Variants in IL19 observed in about 807,000 individuals in gnomAD.
IL19 encodes the protein interleukin-19.
A neutral mutation model predicts 19.5 loss-of-function variants in IL19; 15 were observed. The observed-to-expected ratio is 0.77, with a 90% confidence interval of 0.52 to 1.19. The LOEUF (loss-of-function observed/expected upper bound fraction) is 1.19. Ranked by LOEUF, IL19 falls within the 50% of genes most tolerant of loss-of-function variation. The pLI is 0.00. For missense variants in IL19, 199 were observed against 213.1 expected, an observed-to-expected ratio of 0.93 and a Z score of 0.41; for synonymous variants, 78 against 78.3, an observed-to-expected ratio of 1.00 and a Z score of 0.02.
At chr1:206,808,136 G>C (rs1215610865) in intron 2 of IL19, among the ~76,000 whole-genome samples, 1 of 152,200 alleles carries the variant, frequency 6.6e-6, no homozygotes, top group Non-Finnish European at 1.5e-5. Context: ...TTCAAGACCA[G>C]CCTGGCCAAC....
At chr1:206,771,451 T>G (rs1226389333) in intron 1 of IL19, 2 of 1,549,408 alleles carry the variant, frequency 1.3e-6, no homozygotes, top group Non-Finnish European at 8.8e-7. Context: ...AACTTGAGGT[T>G]TGGGGAAATA....
intron 2 of IL19, 50 bp downstream of exon 2, chr1:206,799,056 A>C: frequency 2.5e-6 from 3 of 1,209,308 alleles, no homozygotes; most frequent in Non-Finnish European, 3.7e-6. Flanking sequence ...ATTCTCTGGG[A>C]CCAGAGATAT....
intron 2 of IL19, among the ~76,000 whole-genome samples, chr1:206,827,130 A>T (rs1191820868): frequency 4.6e-5 from 7 of 152,196 alleles, no homozygotes; most frequent in Non-Finnish European, 5.9e-5. Flanking sequence ...AAGCTGATGG[A>T]AACAACCATA....
At chr1:206,831,995 A>C (rs1676622291) in intron 2 of IL19, among the ~76,000 whole-genome samples, 1 of 152,252 alleles carries the variant, frequency 6.6e-6, no homozygotes, top group Non-Finnish European at 1.5e-5. Context: ...TTACATGTGC[A>C]GCTGGGCTCT....
intron 2 of IL19, among the ~76,000 whole-genome samples, chr1:206,826,165 G>T (rs1474871965): frequency 6.6e-6 from 1 of 152,206 alleles, no homozygotes; most frequent in Non-Finnish European, 1.5e-5. Context: ...AGATAATGCG[G>T]TGAGGGCACT....
chr1:206,842,681 G>GCTGTCTCCCACAGT lies in IL19; in HGVS notation c.*59_*60insCTGTCTCCCACAGT. 1 of 1,028,114 alleles carries GCTGTCTCCCACAGT rather than the reference G, an allele frequency of 9.7e-7. No individual in the cohort carries two copies. The highest frequency in any genetic ancestry group is 1.5e-6 in the Non-Finnish European group (1 of 679,812). 63.7% of individuals were successfully genotyped at this position (1,028,114 alleles called of 1,614,324 possible). A position where few individuals can be genotyped will look rare whatever the true frequency, so the allele number is the denominator to read the frequency against. On this transcript the variant is annotated 3_prime_UTR_variant, in exon 7 of 7. Coordinates refer to ENST00000659997, the MANE Select transcript of IL19 (RefSeq NM_153758.5). ...ACACCCCCTGTGCGGTTTACTGTGG[G>GCTGTCTCCCACAGT]AGACAGCCCACCTTGAAGGGGAAGG... is the stretch of plus-strand genomic sequence containing the variant.
At chr1:206,828,992 C>A (rs1676513699) in intron 2 of IL19, 1 of 146,740 alleles carries the variant, frequency 6.8e-6, no homozygotes. Context: ...TACAGGCAGG[C>A]ATGTGCCAAC....
intron 2 of IL19, among the ~76,000 whole-genome samples, chr1:206,803,713 A>G (rs1057328383): frequency 1.3e-4 from 20 of 152,304 alleles, no homozygotes; most frequent in African/African-American, 3.8e-4. Flanking sequence ...TCTGCTTGCA[A>G]TGAGGTTTTT....
At chr1:206,815,339 T>C (rs1022698129) in intron 2 of IL19, among the ~76,000 whole-genome samples, 2 of 152,202 alleles carry the variant, frequency 1.3e-5, no homozygotes, top group African/African-American at 4.8e-5. Context: ...GATATAGATG[T>C]CATGTCTCAG....
chr1:206,799,645 C>T (rs1675629849), intron 2 of IL19, among the ~76,000 whole-genome samples: 1 of 152,222 alleles, frequency 6.6e-6, no homozygotes, highest in African/African-American at 2.4e-5. Flanking sequence ...CTGACTAGTG[C>T]TCTAAAGTCC....
chr1:206,778,053 G>A (rs17015767), intron 1 of IL19, among the ~76,000 whole-genome samples: 18 of 152,234 alleles, frequency 1.2e-4, no homozygotes, highest in African/African-American at 4.1e-4. Context: ...CAGAATAAAC[G>A]CCTGGTGGGC....
At chr1:206,840,441 C>G (rs1572577905) in intron 5 of IL19, 1 of 274,732 alleles carries the variant, frequency 3.6e-6, no homozygotes, top group East Asian at 9.8e-5. Context: ...GAAACAAAAC[C>G]AACACAAACC....
Position 206,842,705 on chromosome 1 carries a change from G to A in IL19, c.*83G>A, listed in dbSNP as rs1315373750. On this transcript the variant is annotated 3_prime_UTR_variant, in exon 7 of 7. Transcript: ENST00000659997. ...GGAGACAGCCCACCTTGAAGGGGAA[G>A]GAGATGGGGAAGGCCCCTTGCAGCT... The A allele has an allele frequency of 3.7e-6, 3 of 816,926 alleles. No individual in the cohort carries two copies. The highest frequency in any genetic ancestry group is 1.7e-5 in the South Asian group (1 of 59,638). 50.6% of individuals were successfully genotyped at this position (816,926 alleles called of 1,614,324 possible).
intron 2 of IL19, among the ~76,000 whole-genome samples, chr1:206,802,803 A>C (rs1260616313): frequency 6.6e-6 from 1 of 152,080 alleles, no homozygotes; most frequent in Non-Finnish European, 1.5e-5. Flanking sequence ...ACATGTATAG[A>C]ACTGGATCCC....
intron 1 of IL19, among the ~76,000 whole-genome samples, chr1:206,780,861 G>A (rs1675113278): frequency 6.6e-6 from 1 of 152,214 alleles, no homozygotes. Context: ...GTGTGAGGTT[G>A]TGGTGGTAAG....
chr1:206,807,200 A>G (rs935409704), intron 2 of IL19, among the ~76,000 whole-genome samples: 100 of 152,196 alleles, frequency 6.6e-4, no homozygotes, highest in African/African-American at 2.3e-3. Flanking sequence ...TAATTGAATT[A>G]CCTCCCACCA....
chr1:206,830,365 A>G (rs905804499), intron 2 of IL19, among the ~76,000 whole-genome samples: 1 of 152,350 alleles, frequency 6.6e-6, no homozygotes, highest in Middle Eastern at 3.4e-3. Flanking sequence ...AGATAAAAAA[A>G]CAAAAACAAA....
Position 206,842,690 on chromosome 1 carries a change from C to T in IL19, c.*68C>T. 2 of 939,666 alleles carry T rather than the reference C, an allele frequency of 2.1e-6. No individual in the cohort carries two copies. The highest frequency in any genetic ancestry group is 2.2e-5 in the Admixed American group (1 of 46,296). The allele number at this position is 939,666 out of a possible 1,614,324, so 58.2% of individuals were successfully genotyped here. ...GTGCGGTTTACTGTGGGAGACAGCC[C>T]ACCTTGAAGGGGAAGGAGATGGGGA... is the stretch of plus-strand genomic sequence containing the variant. On this transcript the variant is annotated 3_prime_UTR_variant, in exon 7 of 7. Coordinates refer to ENST00000659997, the MANE Select transcript of IL19 (RefSeq NM_153758.5).
chr1:206,787,051 T>G (rs1007169470), intron 1 of IL19, among the ~76,000 whole-genome samples: 2 of 152,158 alleles, frequency 1.3e-5, no homozygotes, highest in Non-Finnish European at 2.9e-5. Context: ...CCCAAATGCC[T>G]TCACAGCTTT....
Sources: gnomAD v4.1 joint callset for allele counts (sites outside exome capture counted in the v4.1 genomes callset) on GRCh38, gnomAD v4.1.1 for gene constraint, MANE v1.5 for transcripts, NCBI Gene and HGNC (gene_info 2026-07-23, HGNC 2026-07-21) for gene names.